The following SELP variants were observed in gnomAD, a reference collection of about 807,000 sequenced individuals.
SELP encodes the protein selectin P.
In SELP, 92 loss-of-function variants were observed where a neutral mutation model predicts 104.1. The observed-to-expected ratio is 0.88, with a 90% CI of 0.75 to 1.05. The LOEUF (loss-of-function observed/expected upper bound fraction) is 1.05. Among genes scored for constraint, SELP ranks in the 50% least tolerant of loss-of-function variants. The pLI, the probability that SELP is intolerant of heterozygous loss-of-function variation, is 0.00. For missense variants in SELP, 1,022 were observed against 1,017.3 expected, an observed-to-expected ratio of 1.00 and a Z score of -0.06; for synonymous variants, 397 against 364.5, an observed-to-expected ratio of 1.09 and a Z score of -1.01.
intron 10 of SELP, among the ~76,000 whole-genome samples, chr1:169,601,951 G>A (rs1473992231): frequency 1.3e-5 from 2 of 152,066 alleles, no homozygotes; most frequent in Non-Finnish European, 2.9e-5. Flanking sequence ...TAGAACAATA[G>A]CACCTTTTGC....
At position 169,613,134 on chromosome 1, in the gene SELP, G is replaced by T. The variant is rs2101906356; in HGVS notation, c.590-20C>A. On this transcript the variant is annotated intron_variant, in intron 4 of 16. Transcript: ENST00000263686. ...CTCTCACTGCAGGAGACAAAATAGT[G>T]ATTTTTATTTTCCATGTAGAATTAA... is the stretch of plus-strand genomic sequence containing the variant. The T allele has an allele frequency of 6.4e-7, 1 of 1,557,226 alleles. No homozygotes were observed. The highest frequency in any genetic ancestry group is 1.2e-5 in the South Asian group (1 of 84,626).
At chr1:169,613,715 A>G in intron 3 of SELP, 22 bp from the exon 4 acceptor site, 1 of 1,593,604 alleles carries the variant, frequency 6.3e-7, no homozygotes, top group East Asian at 2.2e-5. Flanking sequence ...TGGAAAGGTC[A>G]GAGTCATGGA....
In SELP at chr1:169,608,263, C is replaced by T. The variant is rs113520601; in HGVS notation, c.1334-1129G>A. On this transcript the variant is annotated intron_variant, in intron 8 of 16. Transcript: ENST00000263686. ...AAGTGTACAGTTCAGTGGTATTAAG[C>T]ACATTCATATTATTGTGCCACCATC... Among the ~76,000 whole-genome samples, 82 of 151,762 alleles carry T rather than the reference C, an allele frequency of 5.4e-4. 1 individual carries two copies. Among genetic ancestry groups the T allele is most frequent in the Middle Eastern group, 6.8e-3 (2 of 294 alleles).
rs1023244073 is a variant in SELP at position 169,593,791 on chromosome 1, TC to T, written c.2288-68del. 11 of 1,558,394 alleles carry T rather than the reference TC, an allele frequency of 7.1e-6. No individual in the cohort carries two copies. The African/African-American group carries it at 1.2e-4, about 17-fold the overall frequency. On this transcript the variant is annotated intron_variant, in intron 13 of 16. Transcript: ENST00000263686. ...ATTATGCAAAAGACTAGTCTTTCTC[TC>T]CCAGAAAGTTTTCAAGAACTCTAAG...
chr1:169,614,399 G>T (rs1375972065), intron 3 of SELP, among the ~76,000 whole-genome samples: 3 of 152,192 alleles, frequency 2.0e-5, no homozygotes, highest in Admixed American at 2.0e-4. Context: ...TCTTCACCAA[G>T]ATAGTGCCAC....
intron 9 of SELP, among the ~76,000 whole-genome samples, chr1:169,603,630 A>G (rs780298488): frequency 1.3e-5 from 2 of 152,154 alleles, no homozygotes; most frequent in Non-Finnish European, 2.9e-5. Context: ...ACCTTACCAG[A>G]AAACAATGAC....
At chr1:169,591,549 C>A in intron 14 of SELP, 93 bp from the exon 15 acceptor site, 1 of 829,540 alleles carries the variant, frequency 1.2e-6, no homozygotes, top group Non-Finnish European at 1.9e-6. Flanking sequence ...TGGGGAAAAC[C>A]AGTAGACTGA....
chr1:169,611,135 C>T (rs1167804864), intron 7 of SELP, among the ~76,000 whole-genome samples: 1 of 152,158 alleles, frequency 6.6e-6, no homozygotes, highest in Non-Finnish European at 1.5e-5. Flanking sequence ...AAAGGCTACC[C>T]TCAAAGACTA....
At chr1:169,617,577 T>C (rs1261258213) in intron 2 of SELP, among the ~76,000 whole-genome samples, 163 bp from the exon 3 acceptor site, 1 of 152,002 alleles carries the variant, frequency 6.6e-6, no homozygotes, top group Non-Finnish European at 1.5e-5. Flanking sequence ...GGAAAAAGAG[T>C]GGTTTCCACC....
At chr1:169,594,052 A>T (rs1661473329) in intron 13 of SELP, among the ~76,000 whole-genome samples, 2 of 152,198 alleles carry the variant, frequency 1.3e-5, no homozygotes. Context: ...ATAAAATAAA[A>T]GTGGGGCCTT....
intron 13 of SELP, 24 bp downstream of exon 13, chr1:169,594,665 ACTT>A (rs1661507580): frequency 6.3e-7 from 1 of 1,597,136 alleles, no homozygotes; most frequent in African/African-American, 1.3e-5. Context: ...CATCAAAGTG[ACTT>A]CTTAACCCAC....
chr1:169,598,567 C>A (rs548877209), intron 10 of SELP, among the ~76,000 whole-genome samples: 1 of 152,228 alleles, frequency 6.6e-6, no homozygotes, highest in Admixed American at 6.5e-5. Context: ...AACTTCATAT[C>A]TGACACATCA....
chr1:169,611,990 T>G lies in SELP; in HGVS notation c.961+227A>C, dbSNP rs3917728. On this transcript the variant is annotated intron_variant, in intron 6 of 16. Coordinates refer to ENST00000263686, the MANE Select transcript of SELP (RefSeq NM_003005.4). ...ACCCTTTCTAATCTTATGGGGAAAT[T>G]ATGAATGAGGCCATTCTGAAACTGC... is the stretch of plus-strand genomic sequence containing the variant. 1.9e-3 allele frequency among the ~76,000 whole-genome samples: 288 copies of G among 152,260 alleles called. 2 individuals carry two copies. Among genetic ancestry groups the G allele is most frequent in the African/African-American group, 6.7e-3 (280 of 41,522 alleles).
chr1:169,607,168 G>A (rs1662246782), intron 8 of SELP, 34 bp from the exon 9 acceptor site: 1 of 1,554,852 alleles, frequency 6.4e-7, no homozygotes, highest in Non-Finnish European at 8.8e-7. Flanking sequence ...TAAAGAAACA[G>A]TAATACACAT....
In SELP at chr1:169,615,735, A is replaced by T. The variant is rs549564051; in HGVS notation, c.481+1293T>A. Among the ~76,000 whole-genome samples, 5 of 152,292 alleles carry T rather than the reference A, an allele frequency of 3.3e-5. No homozygotes were observed. In the South Asian group the frequency reaches 1.0e-3, roughly 32 times the overall value. ...TATAAATGCATTATTTATAAAGTAGATCTGATTATATGATAATGCATTCAT... is the reference window on the plus strand; with the variant it reads ...TATAAATGCATTATTTATAAAGTAGTTCTGATTATATGATAATGCATTCAT... On this transcript the variant is annotated intron_variant, in intron 3 of 16. Transcript: ENST00000263686.
At chr1:169,593,816 A>C in intron 13 of SELP, 92 bp from the exon 14 acceptor site, 1 of 1,367,634 alleles carries the variant, frequency 7.3e-7, no homozygotes, top group Non-Finnish European at 1.0e-6. Flanking sequence ...AAGAACTCTA[A>C]GATGTGCGAT....
chr1:169,600,018 A>G (rs1661820492), intron 10 of SELP, among the ~76,000 whole-genome samples: 1 of 152,210 alleles, frequency 6.6e-6, no homozygotes, highest in Non-Finnish European at 1.5e-5. Flanking sequence ...AGGCAGGGAC[A>G]GGAGGGATAC....
At chr1:169,609,306 T>TATACTATAGTGGACATGTGCCTA (rs1662367216) in intron 8 of SELP, among the ~76,000 whole-genome samples, 198 bp downstream of exon 8, 2 of 152,182 alleles carry the variant, frequency 1.3e-5, no homozygotes, top group African/African-American at 4.8e-5. Context: ...TCACCTTGAC[T>TATACTATAGTGGACATGTGCCTA]ATACTATAGT....
Position 169,596,064 on chromosome 1 carries a change from G to A in SELP, c.1962C>T (p.Tyr654=). ...CAAAGGTTCCCGGATGATGCCTACAGTACATGGTTCCCTGCCCAGGAGTGG... is the reference window on the plus strand; with the variant it reads ...CAAAGGTTCCCGGATGATGCCTACAATACATGGTTCCCTGCCCAGGAGTGG... ...ALTTPGQGTM[Y]CRHHPGTFGF... The change falls in exon 12 of 17, where the codon TAC becomes TAT. Residue 654 remains tyrosine, a synonymous_variant. Coordinates refer to ENST00000263686, the MANE Select transcript of SELP (RefSeq NM_003005.4). The A allele has an allele frequency of 6.2e-7, 1 of 1,613,944 alleles. No homozygotes were observed. The highest frequency in any genetic ancestry group is 8.5e-7 in the Non-Finnish European group (1 of 1,179,846).
Sources: gnomAD v4.1 joint callset for allele counts (sites outside exome capture counted in the v4.1 genomes callset) on GRCh38, gnomAD v4.1.1 for gene constraint, MANE v1.5 for transcripts, NCBI Gene and HGNC (gene_info 2026-07-23, HGNC 2026-07-21) for gene names.